LHFPL3: variants seen among roughly 807,000 people sequenced by gnomAD.
LHFPL3 encodes LHFPL tetraspan subfamily member 3, also known as LHFPL tetraspan subfamily member 3 protein.
LHFPL3 carries 5 observed loss-of-function variants against 19.3 expected under a neutral mutation model. The ratio of observed to expected loss-of-function variants is 0.26; its 90% CI spans 0.14 to 0.54. The LOEUF is 0.54. Ranked by LOEUF, LHFPL3 falls within the 20% of genes least tolerant of loss-of-function variation. The pLI, the probability that LHFPL3 is intolerant of heterozygous loss-of-function variation, is 0.94. For synonymous variants in LHFPL3, 133 were observed against 126.2 expected, an observed-to-expected ratio of 1.05 and a Z score of -0.36; for missense variants, 249 against 307.4, an observed-to-expected ratio of 0.81 and a Z score of 1.42.
intron 1 of LHFPL3, among the ~76,000 whole-genome samples, chr7:104,396,950 A>C (rs1346450818): frequency 6.6e-6 from 1 of 152,174 alleles, no homozygotes; most frequent in Non-Finnish European, 1.5e-5. Flanking sequence ...AGCCTTGGGC[A>C]ACAGAGTGAG....
intron 2 of LHFPL3, among the ~76,000 whole-genome samples, chr7:104,807,011 A>ATATGTG (rs1377044318): frequency 0.024 from 3,293 of 139,682 alleles, 51 homozygotes; most frequent in East Asian, 0.043. Flanking sequence ...CAAAATATAT[A>ATATGTG]TGTGTGTGTG....
At chr7:104,619,141 T>C (rs1053717523) in intron 1 of LHFPL3, among the ~76,000 whole-genome samples, 60 of 152,212 alleles carry the variant, frequency 3.9e-4, no homozygotes, top group African/African-American at 1.4e-3. Flanking sequence ...TTTTGTTAGA[T>C]ATAAATGACT....
chr7:104,666,881 CTTTA>C (rs1337922468), intron 1 of LHFPL3, among the ~76,000 whole-genome samples: 3 of 152,152 alleles, frequency 2.0e-5, no homozygotes, highest in South Asian at 4.1e-4. Context: ...ACCACATTTT[CTTTA>C]TTCATTCATC....
At chr7:104,508,350 A>G (rs1168435628) in intron 1 of LHFPL3, among the ~76,000 whole-genome samples, 2 of 151,336 alleles carry the variant, frequency 1.3e-5, no homozygotes, top group South Asian at 2.1e-4. Flanking sequence ...TCAGTAAACT[A>G]TCACAAGAAC....
intron 1 of LHFPL3, among the ~76,000 whole-genome samples, chr7:104,365,342 G>A (rs566441712): frequency 1.3e-5 from 2 of 151,972 alleles, no homozygotes; most frequent in East Asian, 1.9e-4. Context: ...AGGTGGGAGC[G>A]AGTGGTAAAA....
intron 1 of LHFPL3, among the ~76,000 whole-genome samples, chr7:104,615,630 C>T (rs1441106987): frequency 6.6e-6 from 1 of 152,114 alleles, no homozygotes; most frequent in East Asian, 1.9e-4. Flanking sequence ...CCCATCAACC[C>T]ATCATCTACA....
intron 2 of LHFPL3, among the ~76,000 whole-genome samples, chr7:104,807,017 G>A (rs999599346): frequency 9.2e-4 from 65 of 71,010 alleles, no homozygotes; most frequent in African/African-American, 3.4e-3. Context: ...ATATATGTGT[G>A]TGTGTGTGTG....
intron 1 of LHFPL3, among the ~76,000 whole-genome samples, chr7:104,626,604 G>A (rs992641029): frequency 2.0e-5 from 3 of 152,140 alleles, no homozygotes; most frequent in African/African-American, 7.2e-5. Flanking sequence ...GGAACATCCA[G>A]AAACCAAATT....
intron 1 of LHFPL3, among the ~76,000 whole-genome samples, chr7:104,346,028 T>G (rs1411295651): frequency 6.7e-6 from 1 of 148,652 alleles, no homozygotes; most frequent in East Asian, 2.0e-4. Context: ...AAGTTTTGAA[T>G]TTTTATTCCT....
At position 104,905,290 on chromosome 7, in the gene LHFPL3, TAA is replaced by T. The variant is rs1454911013; in HGVS notation, c.683-894_683-893del. 9.9e-5 allele frequency among the ~76,000 whole-genome samples: 15 copies of T among 152,186 alleles called. 1 individual carries two copies. In the South Asian group the frequency reaches 3.1e-3, roughly 32 times the overall value. On this transcript the variant is annotated intron_variant, in intron 2 of 2. Coordinates refer to ENST00000424859, the MANE Select transcript of LHFPL3 (RefSeq NM_199000.3). Reference sequence around the variant, plus strand: ...TTTAAAATATAAATAGATCTTTATATAAAAGATATTCATATTTATAATAATAA... The same window carrying T: ...TTTAAAATATAAATAGATCTTTATATAAGATATTCATATTTATAATAATAA...
At chr7:104,374,144 TA>T (rs1790663032) in intron 1 of LHFPL3, among the ~76,000 whole-genome samples, 1 of 152,108 alleles carries the variant, frequency 6.6e-6, no homozygotes, top group Admixed American at 6.6e-5. Flanking sequence ...AAGCTGGGAA[TA>T]AACATGTTTT....
Position 104,417,865 on chromosome 7 carries a change from TC to T in LHFPL3, c.445+88642del, listed in dbSNP as rs1440919572. ...TCGTATTTTCTTTTCTAATTCTTCT[TC>T]TTCTTCTTCTTCTTCTTCTTTTTTT... On this transcript the variant is annotated intron_variant, in intron 1 of 2. Transcript: ENST00000424859. 3.2e-5 allele frequency among the ~76,000 whole-genome samples: 4 copies of T among 125,132 alleles called. 1 individual carries two copies. In the East Asian group the frequency reaches 9.7e-4, roughly 30 times the overall value. The allele number at this position is 125,132 out of a possible 152,430, so 82.1% of individuals were successfully genotyped here.
At chr7:104,786,603 G>A (rs1004544265) in intron 2 of LHFPL3, 1 of 151,538 alleles carries the variant, frequency 6.6e-6, no homozygotes, top group Non-Finnish European at 1.5e-5. Context: ...GGAGTAAGAT[G>A]GATTGAAATA....
At chr7:104,557,768 G>A (rs1221479230) in intron 1 of LHFPL3, among the ~76,000 whole-genome samples, 15 of 150,594 alleles carry the variant, frequency 1.0e-4, no homozygotes, top group African/African-American at 1.5e-4. Context: ...ATGCTGGTGC[G>A]CTGCACCCAC....
At position 104,547,924 on chromosome 7, in the gene LHFPL3, T is replaced by G. The variant is rs559590739; in HGVS notation, c.446-188751T>G. Among the ~76,000 whole-genome samples, 132 of 152,334 alleles carry G rather than the reference T, an allele frequency of 8.7e-4. 1 individual carries two copies. Among genetic ancestry groups the G allele is most frequent in the African/African-American group, 3.0e-3 (126 of 41,576 alleles). On this transcript the variant is annotated intron_variant, in intron 1 of 2. Coordinates refer to ENST00000424859, the MANE Select transcript of LHFPL3 (RefSeq NM_199000.3). ...TTTAGAAAATAAAAATCTTTTCATT[T>G]GATCTCACAGTAAATATCATCAAGT...
chr7:104,876,779 T>C (rs980093222), intron 2 of LHFPL3, among the ~76,000 whole-genome samples: 14 of 152,168 alleles, frequency 9.2e-5, no homozygotes, highest in African/African-American at 3.4e-4. Context: ...TTACTGGGTA[T>C]ATACCCAAAG....
At chr7:104,765,487 A>G (rs1794442633) in intron 2 of LHFPL3, among the ~76,000 whole-genome samples, 1 of 152,238 alleles carries the variant, frequency 6.6e-6, no homozygotes, top group South Asian at 2.1e-4. Flanking sequence ...CAGTATTAGC[A>G]TAAGGGATTC....
At chr7:104,496,047 T>C (rs182377103) in intron 1 of LHFPL3, among the ~76,000 whole-genome samples, 349 of 152,200 alleles carry the variant, frequency 2.3e-3, no homozygotes, top group Middle Eastern at 6.8e-3. Context: ...TATACATGTG[T>C]CATGTTGGTG....
At chr7:104,410,330 A>G (rs1043426548) in intron 1 of LHFPL3, among the ~76,000 whole-genome samples, 3 of 152,090 alleles carry the variant, frequency 2.0e-5, no homozygotes, top group Non-Finnish European at 2.9e-5. Flanking sequence ...ACGGGGTTTC[A>G]CTATGTCAGA....
Sources: allele counts gnomAD v4.1 joint callset (sites outside exome capture counted in the v4.1 genomes callset), GRCh38; gene constraint gnomAD v4.1.1; transcripts MANE v1.5; gene names NCBI Gene and HGNC (gene_info 2026-07-23, HGNC 2026-07-21).